Variants in CD1B observed in about 807,000 individuals in gnomAD.
CD1B encodes CD1b molecule, also known as T-cell surface glycoprotein CD1b.
In CD1B, 43 loss-of-function variants were observed where a neutral mutation model predicts 39.8. The observed-to-expected ratio is 1.08, with a 90% CI of 0.85 to 1.39. The LOEUF is 1.39. CD1B is among the 40% of genes most tolerant of loss of function. The pLI is 0.00. For missense variants in CD1B, 495 were observed against 403.8 expected (o/e 1.23, Z -1.94); for synonymous variants, 192 against 152.5 (o/e 1.26, Z -1.91).
the CD1B span, among the ~76,000 whole-genome samples, chr1:158,295,288 G>A: frequency 2.6e-5 from 4 of 152,058 alleles, no homozygotes; most frequent in South Asian, 8.3e-4. Context: ...GCTGAAGGGG[G>A]GAAGAAGCTG....
Position 158,329,504 on chromosome 1 carries a change from C to T in CD1B, c.752G>A (p.Gly251Glu). ...CCAGTTAGCATTGGGCAGGATGTCC[C>T]CTAGCTGAGTGCCCTGCTGCTCCTG... ...GEQEQQGTQLGDILPNANWTW... is the reference protein window; with the variant it reads ...GEQEQQGTQLEDILPNANWTW... Residue 251 changes from glycine (G) to glutamate (E), a missense_variant, in exon 4 of 6, where the codon GGG (glycine) becomes GAG (glutamate). Coordinates refer to ENST00000368168, the MANE Select transcript of CD1B (RefSeq NM_001764.3). 2 of 1,614,118 alleles carry T rather than the reference C, an allele frequency of 1.2e-6. No individual in the cohort carries two copies. The highest frequency in any genetic ancestry group is 1.7e-6 in the Non-Finnish European group (2 of 1,180,026).
chr1:158,296,713 T>A, the CD1B span, among the ~76,000 whole-genome samples: 1 of 152,074 alleles, frequency 6.6e-6, no homozygotes, highest in Non-Finnish European at 1.5e-5. Flanking sequence ...AGTAAAATAA[T>A]ACAATAACTG....
chr1:158,312,871 G>A, the CD1B span, among the ~76,000 whole-genome samples: 1 of 152,266 alleles, frequency 6.6e-6, no homozygotes, highest in Admixed American at 6.5e-5. Flanking sequence ...CTGGCTAGGA[G>A]TTCCAGTACA....
chr1:158,290,567 A>G, the CD1B span, among the ~76,000 whole-genome samples: 1 of 152,134 alleles, frequency 6.6e-6, no homozygotes, highest in African/African-American at 2.4e-5. Context: ...GAGTAACTTT[A>G]GTTCAGAGCA....
At chr1:158,320,320 C>G in the CD1B span, among the ~76,000 whole-genome samples, 1 of 152,166 alleles carries the variant, frequency 6.6e-6, no homozygotes, top group African/African-American at 2.4e-5. Flanking sequence ...ACTCTGTGGG[C>G]GTAGGACCCT....
chr1:158,328,727 T>C (rs553717002), intron 5 of CD1B, among the ~76,000 whole-genome samples, 194 bp downstream of exon 5: 87 of 152,286 alleles, frequency 5.7e-4, no homozygotes, highest in Non-Finnish European at 9.7e-4. Context: ...ATGGTAAAGA[T>C]GGTAAACCTT....
At chr1:158,293,446 C>T in the CD1B span, 1 of 1,613,854 alleles carries the variant, frequency 6.2e-7, no homozygotes, top group Non-Finnish European at 8.5e-7. Context: ...CATTCCTGTT[C>T]CTTCACAGCT....
chr1:158,306,615 A>G, the CD1B span, among the ~76,000 whole-genome samples: 2 of 152,182 alleles, frequency 1.3e-5, no homozygotes, highest in Admixed American at 1.3e-4. Flanking sequence ...ACCCCAAATC[A>G]ACAGAATAGA....
rs1023881715 is a variant in CD1B, at chr1:158,330,134, T to C, written c.329-4A>G. The C allele has an allele frequency of 1.9e-6, 3 of 1,591,168 alleles. No individual in the cohort carries two copies. The highest frequency in any genetic ancestry group is 1.7e-4 in the Middle Eastern group (1 of 5,904). On this transcript the variant is annotated splice_polypyrimidine_tract_variant and splice_region_variant and intron_variant, in intron 2 of 5. Transcript: ENST00000368168. ...ATGCCCTGGATCTCAAAGGGGTCTATGTAGAGGGAAAAGAGAGCAAGTTAT... is the reference window on the plus strand; with the variant it reads ...ATGCCCTGGATCTCAAAGGGGTCTACGTAGAGGGAAAAGAGAGCAAGTTAT...
the CD1B span, among the ~76,000 whole-genome samples, chr1:158,315,299 C>T: frequency 2.6e-5 from 4 of 152,050 alleles, no homozygotes; most frequent in Non-Finnish European, 5.9e-5. Flanking sequence ...CCTATTTCTC[C>T]ACATCCTCCC....
the CD1B span, among the ~76,000 whole-genome samples, chr1:158,315,610 C>T: frequency 1.3e-5 from 2 of 151,248 alleles, no homozygotes; most frequent in Non-Finnish European, 2.9e-5. Context: ...TGTAGGTTGC[C>T]TGTTCACTCT....
the CD1B span, among the ~76,000 whole-genome samples, chr1:158,316,593 T>G: frequency 6.6e-6 from 1 of 151,794 alleles, no homozygotes; most frequent in South Asian, 2.1e-4. Flanking sequence ...TACAATCATG[T>G]CGTCTGCAAA....
rs766640185 is a variant in CD1B at position 158,328,213 on chromosome 1, G to A, written c.*23C>T. 35 of 1,598,508 alleles carry A rather than the reference G, an allele frequency of 2.2e-5. No individual in the cohort carries two copies. Among genetic ancestry groups the A allele is most frequent in the Non-Finnish European group, 2.9e-5 (34 of 1,167,478 alleles). The stretch of plus-strand genomic sequence containing the variant: ...GGGCTTCTTGGTACTTATTGCGAAT[G>A]GGAGAGGAGACATGATGATGGCTCA... On this transcript the variant is annotated 3_prime_UTR_variant, in exon 6 of 6. Transcript: ENST00000368168.
the CD1B span, among the ~76,000 whole-genome samples, chr1:158,320,213 T>G: frequency 6.6e-6 from 1 of 152,174 alleles, no homozygotes; most frequent in Non-Finnish European, 1.5e-5. Flanking sequence ...GCTGCTTTGT[T>G]TACCTAAGCA....
In CD1B at chr1:158,329,625, T is replaced by G; in HGVS notation, c.631A>C (p.Ser211Arg). Reference sequence around the variant, plus strand: ...CGGCCAGGTCCAGGACTGGGGCCACTGGACAGCCAGGCCTCAGGCTTCACT... The same window carrying G: ...CGGCCAGGTCCAGGACTGGGGCCACGGGACAGCCAGGCCTCAGGCTTCACT... Reference protein sequence around the residue: ...RQVKPEAWLSSGPSPGPGRLQ... With the variant: ...RQVKPEAWLSRGPSPGPGRLQ... Residue 211 changes from serine (S) to arginine (R), a missense_variant, in exon 4 of 6, where the codon AGT (serine) becomes CGT (arginine). Coordinates refer to ENST00000368168, the MANE Select transcript of CD1B (RefSeq NM_001764.3). 1 of 1,613,942 alleles carries G rather than the reference T, an allele frequency of 6.2e-7. No homozygotes were observed. The highest frequency in any genetic ancestry group is 2.2e-5 in the East Asian group (1 of 44,832).
chr1:158,295,396 C>G, the CD1B span, among the ~76,000 whole-genome samples: 1 of 152,136 alleles, frequency 6.6e-6, no homozygotes, highest in Non-Finnish European at 1.5e-5. Flanking sequence ...GTGGCCCACT[C>G]TATCCATGAA....
At chr1:158,295,164 C>A in the CD1B span, among the ~76,000 whole-genome samples, 1 of 151,800 alleles carries the variant, frequency 6.6e-6, no homozygotes, top group South Asian at 2.1e-4. Context: ...CTAGATGCAG[C>A]CAGGAAGAGC....
Position 158,329,133 on chromosome 1 carries a change from C to T in CD1B, c.887-119G>A, listed in dbSNP as rs1243888272. ...CATTTCCAACTTCCTCTCTCATATT[C>T]CTGGCCACCATATATCCATCCTTTG... On this transcript the variant is annotated intron_variant, in intron 4 of 5. Transcript: ENST00000368168. 23 of 983,234 alleles carry T rather than the reference C, an allele frequency of 2.3e-5. No homozygotes were observed. In the Admixed American group the frequency reaches 5.6e-4, roughly 24 times the overall value. 60.9% of individuals were successfully genotyped at this position (983,234 alleles called of 1,614,324 possible).
At chr1:158,302,702 C>A in the CD1B span, among the ~76,000 whole-genome samples, 1 of 152,092 alleles carries the variant, frequency 6.6e-6, no homozygotes, top group African/African-American at 2.4e-5. Flanking sequence ...TGGAAAAATT[C>A]TTGAAAATAT....
Sources: allele counts gnomAD v4.1 joint callset (sites outside exome capture counted in the v4.1 genomes callset), GRCh38; gene constraint gnomAD v4.1.1; transcripts MANE v1.5; gene names NCBI Gene and HGNC (gene_info 2026-07-23, HGNC 2026-07-21).